The following LRBA variants were observed in gnomAD, a reference collection of about 807,000 sequenced individuals.
LRBA encodes the protein lipopolysaccharide-responsive and beige-like anchor protein.
A neutral mutation model predicts 330.0 loss-of-function variants in LRBA; 176 were observed. The ratio of observed to expected loss-of-function variants is 0.53; its 90% CI spans 0.47 to 0.60. The LOEUF is 0.60. LRBA is among the 20% of genes least tolerant of loss of function. The pLI is 0.00. For missense variants in LRBA, 3,259 were observed against 3,444.8 expected, an observed-to-expected ratio of 0.95 and a Z score of 1.35; for synonymous variants, 1,230 against 1,193.0, an observed-to-expected ratio of 1.03 and a Z score of -0.64.
At chr4:150,890,459 T>C (rs1055505384) in intron 17 of LRBA, among the ~76,000 whole-genome samples, 1 of 151,868 alleles carries the variant, frequency 6.6e-6, no homozygotes, top group African/African-American at 2.4e-5. Flanking sequence ...ATGGCAGATA[T>C]AGTATGACAC....
intron 40 of LRBA, among the ~76,000 whole-genome samples, chr4:150,550,821 G>A (rs1441447237): frequency 6.6e-6 from 1 of 152,146 alleles, no homozygotes; most frequent in Non-Finnish European, 1.5e-5. Flanking sequence ...ACGGAAAATA[G>A]TTCTTTAACT....
At chr4:150,334,678 T>C (rs1734406226) in intron 48 of LRBA, among the ~76,000 whole-genome samples, 3 of 152,184 alleles carry the variant, frequency 2.0e-5, no homozygotes, top group East Asian at 3.9e-4. Flanking sequence ...TCCTCATTTT[T>C]ATACCAATTG....
chr4:150,892,657 T>C (rs1229218514), intron 17 of LRBA, among the ~76,000 whole-genome samples: 4 of 152,198 alleles, frequency 2.6e-5, no homozygotes, highest in Non-Finnish European at 5.9e-5. Context: ...CAATGTTGAG[T>C]CAGAAGTGGG....
chr4:150,749,220 G>A (rs1454523756), intron 35 of LRBA, among the ~76,000 whole-genome samples: 1 of 151,848 alleles, frequency 6.6e-6, no homozygotes, highest in Admixed American at 6.6e-5. Context: ...TTTCTAGGAC[G>A]TAATACCAAA....
chr4:150,788,761 C>CA (rs34603148), intron 34 of LRBA, among the ~76,000 whole-genome samples: 31 of 123,974 alleles, frequency 2.5e-4, no homozygotes, highest in Admixed American at 6.4e-4. Context: ...ACTTCGTCTC[C>CA]AAAAAAAAAA....
chr4:151,007,765 G>A (rs1180869485), intron 2 of LRBA, among the ~76,000 whole-genome samples: 4 of 150,540 alleles, frequency 2.7e-5, no homozygotes, highest in Non-Finnish European at 5.9e-5. Flanking sequence ...GCTGAGGCAG[G>A]AGAATGGCAT....
At chr4:150,769,277 T>G (rs944985323) in intron 34 of LRBA, among the ~76,000 whole-genome samples, 5 of 151,756 alleles carry the variant, frequency 3.3e-5, no homozygotes, top group African/African-American at 1.2e-4. Flanking sequence ...CCGGTATTAA[T>G]CAGGATTCTT....
intron 40 of LRBA, chr4:150,579,786 A>T (rs1214553100): frequency 2.2e-6 from 1 of 451,412 alleles, no homozygotes; most frequent in Admixed American, 2.4e-5. Flanking sequence ...ATGCGAACCA[A>T]CTCCGCCACC....
At chr4:150,682,076 T>G (rs779953538) in intron 37 of LRBA, among the ~76,000 whole-genome samples, 5 of 152,194 alleles carry the variant, frequency 3.3e-5, no homozygotes, top group Non-Finnish European at 5.9e-5. Context: ...ATGTGTTTAT[T>G]TTAAAACTGC....
At chr4:150,935,569 T>C (rs939753616) in intron 2 of LRBA, among the ~76,000 whole-genome samples, 3 of 152,044 alleles carry the variant, frequency 2.0e-5, no homozygotes, top group African/African-American at 7.2e-5. Context: ...TTCAGCACAT[T>C]ACCATTAAAA....
At position 150,868,171 on chromosome 4, in the gene LRBA, A is replaced by T; in HGVS notation, c.2573+11T>A. On this transcript the variant is annotated intron_variant, in intron 21 of 56. Transcript: ENST00000651943. The stretch of plus-strand genomic sequence containing the variant: ...GAATACTGCAAATAAATGCTTTCTG[A>T]TTCAGCTTACCTCCTGTTTTCTCTA... The T allele has an allele frequency of 6.2e-7, 1 of 1,602,234 alleles. No homozygotes were observed. The highest frequency in any genetic ancestry group is 1.1e-5 in the South Asian group (1 of 88,990).
chr4:150,720,038 T>C (rs929984280), intron 36 of LRBA, among the ~76,000 whole-genome samples: 1 of 152,138 alleles, frequency 6.6e-6, no homozygotes, highest in African/African-American at 2.4e-5. Context: ...CTCTTCATGA[T>C]AGGCCATAGG....
intron 17 of LRBA, 33 bp from the exon 18 acceptor site, chr4:150,872,788 TGA>T: frequency 8.9e-7 from 1 of 1,125,146 alleles, no homozygotes; most frequent in Non-Finnish European, 1.3e-6. Context: ...CAAACTATTT[TGA>T]GTATAATTTT....
intron 47 of LRBA, among the ~76,000 whole-genome samples, chr4:150,351,273 A>G (rs1409665128): frequency 3.3e-5 from 5 of 152,234 alleles, no homozygotes. Context: ...ATCCATCTTT[A>G]TATTATTTAA....
chr4:150,956,661 T>C (rs1027284180), intron 2 of LRBA, among the ~76,000 whole-genome samples: 1 of 148,770 alleles, frequency 6.7e-6, no homozygotes, highest in African/African-American at 2.6e-5. Flanking sequence ...CAGGAACATA[T>C]AAAAACAGTT....
Position 150,837,648 on chromosome 4 carries a change from A to T in LRBA, c.4570-5672T>A, listed in dbSNP as rs897515294. Among the ~76,000 whole-genome samples the T allele has an allele frequency of 2.8e-4, 42 of 152,154 alleles. 1 individual carries two copies. The highest frequency in any genetic ancestry group is 9.2e-4 in the African/African-American group (38 of 41,498). On this transcript the variant is annotated intron_variant, in intron 28 of 56. Coordinates refer to ENST00000651943, the MANE Select transcript of LRBA (RefSeq NM_001364905.1). ...TTTTTGTTTTCCATTTGCTTGGTAGATCTTCCTCCATCTCTTTATTTTCAG... is the reference window on the plus strand; with the variant it reads ...TTTTTGTTTTCCATTTGCTTGGTAGTTCTTCCTCCATCTCTTTATTTTCAG...
intron 36 of LRBA, among the ~76,000 whole-genome samples, chr4:150,685,509 C>T (rs1783537744): frequency 7.4e-6 from 1 of 135,396 alleles, no homozygotes; most frequent in South Asian, 2.5e-4. Context: ...TCTTGGCTCA[C>T]TGCAACCTCC....
rs143386737 is a variant in LRBA, at chr4:151,014,458, T to C, written c.185A>G (p.Asn62Ser). The C allele has an allele frequency of 1.5e-5, 25 of 1,614,074 alleles. No individual in the cohort carries two copies. In the African/African-American group the frequency reaches 2.0e-4, roughly 13 times the overall value. Residue 62 changes from asparagine (N) to serine (S), a missense_variant, in exon 2 of 57, where the codon AAT becomes AGT. Coordinates refer to ENST00000651943, the MANE Select transcript of LRBA (RefSeq NM_001364905.1). ...TGLVEVGEVS[N>S]RDIVETVFNL... ...AAAGACAGTTTCTACAATATCCCTA[T>C]TGGATACTTCTCCAACTTCAACCAA...
Position 150,278,015 on chromosome 4 carries a change from C to A in LRBA, c.8317-11G>T, listed in dbSNP as rs533802949. 6.2e-7 allele frequency: 1 copy of A among 1,612,146 alleles called. No homozygotes were observed. The highest frequency in any genetic ancestry group is 1.3e-5 in the African/African-American group (1 of 75,022). On this transcript the variant is annotated splice_polypyrimidine_tract_variant and intron_variant, in intron 55 of 56. Coordinates refer to ENST00000651943, the MANE Select transcript of LRBA (RefSeq NM_001364905.1). The stretch of plus-strand genomic sequence containing the variant: ...GCTCAGCTGGATGGCCTGTGAGACA[C>A]AGCAACATTCAGTAGAAATGTGGTT...
Sources: allele counts gnomAD v4.1 joint callset (sites outside exome capture counted in the v4.1 genomes callset), GRCh38; gene constraint gnomAD v4.1.1; transcripts MANE v1.5; gene names NCBI Gene and HGNC (gene_info 2026-07-23, HGNC 2026-07-21).